The following NARS1 variants were observed in gnomAD, a reference collection of about 807,000 sequenced individuals.
NARS1 encodes the protein asparaginyl-tRNA synthetase 1.
Under a neutral mutation model 79.2 loss-of-function variants are expected in NARS1, and 65 were observed. The observed-to-expected ratio is 0.82, with a 90% CI of 0.67 to 1.01. NARS1 has a LOEUF of 1.01. NARS1 is among the 50% of genes least tolerant of loss of function. The pLI, the probability that NARS1 is intolerant of heterozygous loss-of-function variation, is 0.00. For synonymous variants in NARS1, 229 were observed against 238.8 expected, an observed-to-expected ratio of 0.96 and a Z score of 0.38; for missense variants, 649 against 673.8, an observed-to-expected ratio of 0.96 and a Z score of 0.41.
intron 6 of NARS1, 58 bp from the exon 7 acceptor site, chr18:57,609,501 T>C (rs2051588134): frequency 1.0e-5 from 14 of 1,404,388 alleles, no homozygotes; most frequent in Middle Eastern, 1.8e-4. Flanking sequence ...AATTCTACCA[T>C]ATAGAAAGTT....
intron 2 of NARS1, among the ~76,000 whole-genome samples, chr18:57,618,580 T>C (rs1029198694): frequency 6.6e-6 from 1 of 152,074 alleles, no homozygotes; most frequent in Non-Finnish European, 1.5e-5. Flanking sequence ...AATCCAGAAA[T>C]GAAAGATTTC....
intron 1 of NARS1, 121 bp downstream of exon 1, chr18:57,621,587 G>A: frequency 1.7e-6 from 1 of 599,212 alleles, no homozygotes; most frequent in Non-Finnish European, 3.1e-6. Context: ...CCTGCAATCG[G>A]TCCCCAAACA....
In NARS1 at chr18:57,607,412, T is replaced by C. The variant is rs114185475; in HGVS notation, c.801+32A>G. 518 of 1,612,040 alleles carry C rather than the reference T, an allele frequency of 3.2e-4. No homozygotes were observed. The African/African-American group carries it at 5.7e-3, about 18-fold the overall frequency. ...AAGTTTCAAAACGGCAAAAAACATA[T>C]TCTTTGCAAAAGCTGACGAATGCAT... is the stretch of plus-strand genomic sequence containing the variant. On this transcript the variant is annotated intron_variant, in intron 8 of 13. Transcript: ENST00000256854.
At chr18:57,620,519 T>C in intron 2 of NARS1, 50 bp downstream of exon 2, 2 of 1,263,222 alleles carry the variant, frequency 1.6e-6, no homozygotes, top group African/African-American at 1.5e-5. Context: ...AAAATTGACA[T>C]AACTCATTAA....
At chr18:57,615,617 A>G in intron 4 of NARS1, 24 bp downstream of exon 4, 2 of 1,521,448 alleles carry the variant, frequency 1.3e-6, no homozygotes, top group Non-Finnish European at 1.8e-6. Context: ...AGTCCACGGT[A>G]TTTGAAAAGA....
rs187007559 is a variant in NARS1, at chr18:57,602,528, C to T, written c.1384-42G>A. 45 of 1,606,996 alleles carry T rather than the reference C, an allele frequency of 2.8e-5. No individual in the cohort carries two copies. In the African/African-American group the frequency reaches 4.4e-4, roughly 16 times the overall value. ...AAGAAGATACACAATTACTATCAAG[C>T]GATCAGACACAGCACTGCCCTAGAG... On this transcript the variant is annotated intron_variant, in intron 12 of 13. Transcript: ENST00000256854.
In NARS1 at chr18:57,611,717, G is replaced by T. The variant is rs769367328; in HGVS notation, c.422-10C>A. 1.3e-6 allele frequency: 2 copies of T among 1,539,682 alleles called. No individual in the cohort carries two copies. Among genetic ancestry groups the T allele is most frequent in the Admixed American group, 1.9e-5 (1 of 53,842 alleles). On this transcript the variant is annotated splice_polypyrimidine_tract_variant and intron_variant, in intron 5 of 13. Transcript: ENST00000256854. ...AACATTAAATTCTTTCCTAAAAAAT[G>T]AGAAATAATAATTTAGGCAGACTGT...
chr18:57,618,470 T>TTTGTTAACAGTGACATTCTG (rs1197675254), intron 2 of NARS1, among the ~76,000 whole-genome samples: 1 of 152,166 alleles, frequency 6.6e-6, no homozygotes, highest in Admixed American at 6.5e-5. Context: ...ATGCTACACT[T>TTTGTTAACAGTGACATTCTG]TTGTTAACAG....
At chr18:57,602,970 A>G in intron 11 of NARS1, 27 bp from the exon 12 acceptor site, 1 of 1,613,126 alleles carries the variant, frequency 6.2e-7, no homozygotes, top group Non-Finnish European at 8.5e-7. Context: ...CTTCATTAAC[A>G]TTTACAACTT....
At chr18:57,611,585 G>A in intron 6 of NARS1, 52 bp downstream of exon 6, 1 of 1,179,908 alleles carries the variant, frequency 8.5e-7, no homozygotes. Flanking sequence ...AACAATAAAG[G>A]AATCTACTGA....
At chr18:57,611,615 A>G (rs1438679751) in intron 6 of NARS1, 22 bp downstream of exon 6, 4 of 1,525,562 alleles carry the variant, frequency 2.6e-6, no homozygotes. Flanking sequence ...ATTTTCAGGC[A>G]TAAATAAGAG....
At chr18:57,611,768 A>G (rs2051606981) in intron 5 of NARS1, 61 bp from the exon 6 acceptor site, 5 of 919,054 alleles carry the variant, frequency 5.4e-6, no homozygotes, top group Non-Finnish European at 7.5e-6. Flanking sequence ...TTTTATATAT[A>G]TATATAATTT....
At chr18:57,609,485 T>C in intron 6 of NARS1, 42 bp from the exon 7 acceptor site, 1 of 1,529,768 alleles carries the variant, frequency 6.5e-7, no homozygotes, top group Non-Finnish European at 9.0e-7. Flanking sequence ...TTCACATTGA[T>C]TTAAAAATTC....
rs2051570229 is a variant in NARS1, at chr18:57,607,609, A to C, written c.636T>G (p.Pro212=). 6.2e-6 allele frequency: 10 copies of C among 1,614,172 alleles called. No individual in the cohort carries two copies. Among genetic ancestry groups the C allele is most frequent in the Non-Finnish European group, 8.5e-6 (10 of 1,180,032 alleles). The change falls in exon 8 of 14, where the codon CCT becomes CCG. Residue 212 remains proline (P), a synonymous_variant. Coordinates refer to ENST00000256854, the MANE Select transcript of NARS1 (RefSeq NM_004539.4). ...TGATCAGGTTGTCAGCTCCTCCAGC[A>C]GGGGCCAACCCAATTAGTTCCCAGA... The part of the protein sequence containing the change: ...CDFWELIGLA[P]AGGADNLINE...
intron 4 of NARS1, among the ~76,000 whole-genome samples, chr18:57,614,940 C>A (rs1280844661): frequency 6.7e-6 from 1 of 149,854 alleles, no homozygotes; most frequent in Non-Finnish European, 1.5e-5. Flanking sequence ...CTTTGGGAGG[C>A]TGAGGTGGGA....
At chr18:57,615,168 A>T (rs959102153) in intron 4 of NARS1, among the ~76,000 whole-genome samples, 4 of 151,384 alleles carry the variant, frequency 2.6e-5, no homozygotes, top group African/African-American at 9.7e-5. Flanking sequence ...ACCCTGTCTC[A>T]AAATAAATAA....
Position 57,607,515 on chromosome 18 carries a change from T to C in NARS1, c.730A>G (p.Lys244Glu). Residue 244 changes from lysine (K) to glutamate (E), a missense_variant, in exon 8 of 14, where the codon AAA becomes GAA. Lys to Glu is a moderately conservative substitution (Grantham distance 56, BLOSUM62 1). Coordinates refer to ENST00000256854, the MANE Select transcript of NARS1 (RefSeq NM_004539.4). ...ACCATGGATCGTGCTTTTAGGATTT[T>C]GGACATGTTTTCTCCTCGGATCATC... The part of the protein sequence containing the change: ...HMMIRGENMS[K>E]ILKARSMVTR... 6.2e-7 allele frequency: 1 copy of C among 1,614,242 alleles called. No homozygotes were observed. Among genetic ancestry groups the C allele is most frequent in the Non-Finnish European group, 8.5e-7 (1 of 1,180,042 alleles).
intron 7 of NARS1, 83 bp downstream of exon 7, chr18:57,609,274 G>T: frequency 2.6e-6 from 3 of 1,134,172 alleles, no homozygotes; most frequent in Non-Finnish European, 2.7e-6. Context: ...TAATACATAT[G>T]CCAAATGTAC....
intron 1 of NARS1, 139 bp downstream of exon 1, chr18:57,621,569 C>CCCCCCCCCCCCCCAA: frequency 2.1e-6 from 1 of 478,082 alleles, no homozygotes. Flanking sequence ...ACCCTCCCTC[C>CCCCCCCCCCCCCCAA]CTCCCTCCCT....
Sources: gnomAD v4.1 joint callset for allele counts (sites outside exome capture counted in the v4.1 genomes callset) on GRCh38, gnomAD v4.1.1 for gene constraint, MANE v1.5 for transcripts, NCBI Gene and HGNC (gene_info 2026-07-23, HGNC 2026-07-21) for gene names.